Variants in STARD13 observed in about 807,000 individuals in gnomAD.
STARD13 encodes the protein stAR-related lipid transfer protein 13.
Under a neutral mutation model 106.4 loss-of-function variants are expected in STARD13, and 62 were observed. That is an observed-to-expected ratio of 0.58 (90% CI 0.48 to 0.72). The LOEUF is 0.72. Among genes scored for constraint, STARD13 ranks in the 30% least tolerant of loss-of-function variants. The probability of loss-of-function intolerance (pLI) is 0.00; values close to 1 mark genes in which losing one functional copy is unlikely to be tolerated. For missense variants in STARD13, 1,387 were observed against 1,424.0 expected (o/e 0.97, Z 0.42); for synonymous variants, 565 against 553.0 (o/e 1.02, Z -0.31).
the STARD13 span, among the ~76,000 whole-genome samples, chr13:33,631,388 C>T: frequency 2.0e-5 from 3 of 152,174 alleles, no homozygotes; most frequent in African/African-American, 7.2e-5. Flanking sequence ...ATCAGGTAGA[C>T]ATTTAAGAGT....
chr13:33,523,818 T>C, the STARD13 span, among the ~76,000 whole-genome samples: 1 of 152,108 alleles, frequency 6.6e-6, no homozygotes. Context: ...TAGATGTGAT[T>C]CCCACTCTTA....
At chr13:33,464,704 C>T in the STARD13 span, among the ~76,000 whole-genome samples, 1 of 152,122 alleles carries the variant, frequency 6.6e-6, no homozygotes, top group African/African-American at 2.4e-5. Flanking sequence ...CAAAAATTAG[C>T]TAGGTGTGGT....
the STARD13 span, among the ~76,000 whole-genome samples, chr13:33,565,461 A>G: frequency 6.7e-6 from 1 of 148,254 alleles, no homozygotes; most frequent in Non-Finnish European, 1.5e-5. Flanking sequence ...ATGTGTTAAT[A>G]AAATATAAAT....
At chr13:33,617,759 T>C in the STARD13 span, among the ~76,000 whole-genome samples, 1 of 152,186 alleles carries the variant, frequency 6.6e-6, no homozygotes, top group Non-Finnish European at 1.5e-5. Context: ...CAAGCACTGG[T>C]ATAGGGGCTG....
the STARD13 span, among the ~76,000 whole-genome samples, chr13:33,666,812 G>A: frequency 1.3e-5 from 2 of 151,844 alleles, no homozygotes; most frequent in Non-Finnish European, 2.9e-5. Flanking sequence ...GGCTGGTCTC[G>A]AACCCCTGAC....
intron 1 of STARD13, among the ~76,000 whole-genome samples, chr13:33,239,739 A>G (rs1016195771): frequency 1.3e-5 from 2 of 152,028 alleles, no homozygotes; most frequent in African/African-American, 4.8e-5. Flanking sequence ...AAATCAGGCA[A>G]TTTGTTTGTG....
At chr13:33,197,235 G>A (rs1249156229) in intron 1 of STARD13, among the ~76,000 whole-genome samples, 1 of 152,158 alleles carries the variant, frequency 6.6e-6, no homozygotes, top group Non-Finnish European at 1.5e-5. Context: ...CAAGACTGAG[G>A]AGGTCAATAT....
At position 33,285,510 on chromosome 13, in the gene STARD13, C is replaced by T. The variant is rs141163812; in HGVS notation, c.129G>A (p.Arg43=). The change falls in exon 1 of 14, where the codon CGG becomes CGA. Residue 43 remains arginine, a synonymous_variant. Transcript: ENST00000336934. ...TTRRSPYRMS[R]ILARHQLVTK... is the part of the protein sequence containing the mutation. ...TCACTAGCTGATGGCGTGCTAGAATCCGGCTCATCCTGTAAGGAGAGCGTC... is the reference window on the plus strand; with the variant it reads ...TCACTAGCTGATGGCGTGCTAGAATTCGGCTCATCCTGTAAGGAGAGCGTC... The T allele has an allele frequency of 6.2e-6, 10 of 1,613,880 alleles. No individual in the cohort carries two copies. In the African/African-American group the frequency reaches 1.3e-4, roughly 22 times the overall value.
the STARD13 span, among the ~76,000 whole-genome samples, chr13:33,552,268 C>A: frequency 6.6e-6 from 1 of 152,170 alleles, no homozygotes; most frequent in Non-Finnish European, 1.5e-5. Context: ...TCACTTAACA[C>A]TTACACAACA....
At chr13:33,196,601 G>T (rs1886639785) in intron 1 of STARD13, among the ~76,000 whole-genome samples, 1 of 152,146 alleles carries the variant, frequency 6.6e-6, no homozygotes, top group African/African-American at 2.4e-5. Context: ...ACATCATGAT[G>T]TGCGGCAGCC....
chr13:33,660,219 G>GT, the STARD13 span, among the ~76,000 whole-genome samples: 11 of 152,186 alleles, frequency 7.2e-5, no homozygotes, highest in Non-Finnish European at 1.5e-4. Flanking sequence ...CTGAATTCAT[G>GT]TTTTTTTATG....
chr13:33,485,058 C>T, the STARD13 span, among the ~76,000 whole-genome samples: 2,188 of 152,284 alleles, frequency 0.014, 58 homozygotes, highest in African/African-American at 0.047. Context: ...TACTGAGAAA[C>T]TGATCTCTAT....
the STARD13 span, among the ~76,000 whole-genome samples, chr13:33,619,727 A>T: frequency 6.6e-6 from 1 of 152,182 alleles, no homozygotes; most frequent in Non-Finnish European, 1.5e-5. Flanking sequence ...ATCAATAAGA[A>T]GATAGATTTG....
At chr13:33,653,111 A>G in the STARD13 span, among the ~76,000 whole-genome samples, 3 of 152,218 alleles carry the variant, frequency 2.0e-5, no homozygotes, top group Non-Finnish European at 2.9e-5. Context: ...TCAAATTGAT[A>G]TAGAGATTCA....
At chr13:33,127,225 G>C (rs756845966) in intron 6 of STARD13, 148 bp downstream of exon 6, 2 of 874,380 alleles carry the variant, frequency 2.3e-6, no homozygotes, top group Non-Finnish European at 3.2e-6. Context: ...TCGAGGCTAC[G>C]GCAGAGCTCA....
the STARD13 span, among the ~76,000 whole-genome samples, chr13:33,670,821 C>T: frequency 6.6e-6 from 1 of 152,128 alleles, no homozygotes; most frequent in African/African-American, 2.4e-5. Context: ...ATTAGCTAGG[C>T]CCATATTTCT....
intron 1 of STARD13, among the ~76,000 whole-genome samples, chr13:33,187,248 G>A (rs1478314197): frequency 3.3e-5 from 5 of 152,180 alleles, no homozygotes; most frequent in East Asian, 3.8e-4. Context: ...GAAGGGTCCC[G>A]CTCTATCGGG....
intron 1 of STARD13, among the ~76,000 whole-genome samples, chr13:33,324,361 A>C (rs1035578108): frequency 6.6e-6 from 1 of 151,852 alleles, no homozygotes. Flanking sequence ...CCTACATAAC[A>C]AAAGCTCCTT....
At chr13:33,455,946 AAAATAAATAAATT>A in the STARD13 span, among the ~76,000 whole-genome samples, 1 of 152,186 alleles carries the variant, frequency 6.6e-6, no homozygotes, top group Non-Finnish European at 1.5e-5. Context: ...CCGTCTCAAC[AAAATAAATAAATT>A]AAATAAATAA....
Sources: allele counts gnomAD v4.1 joint callset (sites outside exome capture counted in the v4.1 genomes callset), GRCh38; gene constraint gnomAD v4.1.1; transcripts MANE v1.5; gene names NCBI Gene and HGNC (gene_info 2026-07-23, HGNC 2026-07-21).